Variants in MCPH1 observed in about 807,000 individuals in gnomAD.
MCPH1 encodes the protein microcephalin 1.
A neutral mutation model predicts 84.5 loss-of-function variants in MCPH1; 104 were observed. The observed-to-expected ratio is 1.23, with a 90% CI of 1.05 to 1.45. MCPH1 has a LOEUF of 1.45. MCPH1 is among the 40% of genes most tolerant of loss of function. The pLI is 0.00. For missense variants in MCPH1, 1,498 were observed against 1,005.7 expected (o/e 1.49, Z -6.62); for synonymous variants, 514 against 366.8 (o/e 1.40, Z -4.58).
chr8:6,532,867 G>A (rs1005484146), intron 12 of MCPH1, among the ~76,000 whole-genome samples: 3 of 152,194 alleles, frequency 2.0e-5, no homozygotes, highest in Non-Finnish European at 4.4e-5. Flanking sequence ...TGACCATGCA[G>A]TCAGGAAATG....
rs1264440356 is a variant in MCPH1 at position 6,646,594 on chromosome 8, A to C, written c.*3545A>C. On this transcript the variant is annotated 3_prime_UTR_variant, in exon 14 of 14. Transcript: ENST00000344683. Reference sequence around the variant, plus strand: ...CACACCATGCACAAAAATTAGCTCAACGTGGACTATATCAGGGTTTCTCAA... The same window carrying C: ...CACACCATGCACAAAAATTAGCTCACCGTGGACTATATCAGGGTTTCTCAA... 2 of 152,238 alleles carry C rather than the reference A, an allele frequency of 1.3e-5. No individual in the cohort carries two copies. The highest frequency in any genetic ancestry group is 6.5e-5 in the Admixed American group (1 of 15,282). The allele number at this position is 152,238 out of a possible 1,614,324, so 9.4% of individuals were successfully genotyped here.
chr8:6,439,509 C>G (rs62496811), intron 6 of MCPH1, among the ~76,000 whole-genome samples: 3 of 151,612 alleles, frequency 2.0e-5, no homozygotes, highest in African/African-American at 7.3e-5. Context: ...CTCAGCCTCC[C>G]GAGTAGCTGG....
rs146472862 is a variant in MCPH1, at chr8:6,602,959, A to G, written c.2215-18495A>G. Among the ~76,000 whole-genome samples the G allele has an allele frequency of 5.9e-4, 90 of 151,956 alleles. No individual in the cohort carries two copies. The East Asian group carries it at 0.016, about 27-fold the overall frequency. On this transcript the variant is annotated intron_variant, in intron 12 of 13. Transcript: ENST00000344683. ...CATGTGTGTCTGTGTACATAGGCGCATGTGTGTGCCCTTGAGTGTGCATCC... is the reference window on the plus strand; with the variant it reads ...CATGTGTGTCTGTGTACATAGGCGCGTGTGTGTGCCCTTGAGTGTGCATCC...
chr8:6,615,130 G>A (rs1020907906), intron 12 of MCPH1, among the ~76,000 whole-genome samples: 44 of 152,272 alleles, frequency 2.9e-4, no homozygotes, highest in African/African-American at 8.2e-4. Context: ...ATTGCCTGCC[G>A]ATCCCCTGGG....
chr8:6,429,687 G>A (rs1233444060), intron 3 of MCPH1, among the ~76,000 whole-genome samples: 2 of 152,060 alleles, frequency 1.3e-5, no homozygotes, highest in Non-Finnish European at 2.9e-5. Flanking sequence ...TTTAACCAGA[G>A]GTCAAAAACC....
intron 6 of MCPH1, among the ~76,000 whole-genome samples, chr8:6,440,424 C>A (rs900432763): frequency 6.6e-6 from 1 of 152,180 alleles, no homozygotes; most frequent in African/African-American, 2.4e-5. Flanking sequence ...CATAGAGTCT[C>A]CCTGTGTTGC....
intron 13 of MCPH1, 100 bp downstream of exon 13, chr8:6,621,791 G>T: frequency 6.6e-7 from 1 of 1,519,174 alleles, no homozygotes. Context: ...CACGCAGCTG[G>T]GGCACCTGGG....
chr8:6,512,809 T>C (rs1563321603), intron 12 of MCPH1, among the ~76,000 whole-genome samples: 4 of 152,136 alleles, frequency 2.6e-5, no homozygotes, highest in African/African-American at 9.7e-5. Context: ...ACCAAATGGG[T>C]GAGGACAAGG....
At chr8:6,500,214 T>G (rs1811879822) in intron 12 of MCPH1, 1 of 416,282 alleles carries the variant, frequency 2.4e-6, no homozygotes, top group East Asian at 5.1e-5. Flanking sequence ...ACTGAATTCT[T>G]GGGCAGGTAG....
At chr8:6,455,376 G>T in intron 9 of MCPH1, 124 bp downstream of exon 9, 2 of 719,490 alleles carry the variant, frequency 2.8e-6, no homozygotes, top group Non-Finnish European at 4.8e-6. Context: ...ATTGATTATG[G>T]GTAAATGCTG....
At chr8:6,517,038 G>C (rs1816393168) in intron 12 of MCPH1, among the ~76,000 whole-genome samples, 1 of 152,158 alleles carries the variant, frequency 6.6e-6, no homozygotes, top group Admixed American at 6.5e-5. Context: ...TGTAAAAACT[G>C]GAGTATTATG....
chr8:6,440,966 G>A (rs1482353168), intron 6 of MCPH1, among the ~76,000 whole-genome samples: 1 of 152,180 alleles, frequency 6.6e-6, no homozygotes, highest in African/African-American at 2.4e-5. Flanking sequence ...CCATCTTTCT[G>A]TTGTACCTGC....
At chr8:6,570,099 T>C (rs1159369116) in intron 12 of MCPH1, among the ~76,000 whole-genome samples, 1 of 152,262 alleles carries the variant, frequency 6.6e-6, no homozygotes, top group Non-Finnish European at 1.5e-5. Flanking sequence ...CTACATACCC[T>C]TTCATTGTTT....
At chr8:6,529,529 A>G (rs1440539761) in intron 12 of MCPH1, among the ~76,000 whole-genome samples, 1 of 148,964 alleles carries the variant, frequency 6.7e-6, no homozygotes, top group African/African-American at 2.5e-5. Context: ...TCTGTTCACT[A>G]CAGACTCTGC....
chr8:6,626,788 C>T (rs138263139), intron 13 of MCPH1: 2 of 985,188 alleles, frequency 2.0e-6, no homozygotes, highest in Admixed American at 6.2e-5. Flanking sequence ...CCTCAAGGGT[C>T]TGCGACATTT....
intron 12 of MCPH1, among the ~76,000 whole-genome samples, chr8:6,550,544 T>A (rs1276808163): frequency 1.3e-5 from 2 of 152,318 alleles, no homozygotes; most frequent in East Asian, 3.9e-4. Flanking sequence ...TTTTCCACAT[T>A]TGTTCCCACT....
chr8:6,563,443 G>A (rs1182873330), intron 12 of MCPH1: 5 of 153,820 alleles, frequency 3.3e-5, no homozygotes, highest in Admixed American at 1.3e-4. Flanking sequence ...GGGAAAAACC[G>A]ATCTGTTACA....
chr8:6,488,791 A>C lies in MCPH1; in HGVS notation c.2136+7915A>C, dbSNP rs187848802. Among the ~76,000 whole-genome samples, 492 of 152,218 alleles carry C rather than the reference A, an allele frequency of 3.2e-3. 7 individuals carry two copies. The highest frequency in any genetic ancestry group is 0.012 in the African/African-American group (478 of 41,524). ...GCAGCTTTTGTCTCTGTGGCCTCTC[A>C]GCAAAGAATGGATTGCAGGGAGGTA... On this transcript the variant is annotated intron_variant, in intron 11 of 13. Coordinates refer to ENST00000344683, the MANE Select transcript of MCPH1 (RefSeq NM_024596.5).
chr8:6,429,390 C>G (rs1034101579), intron 3 of MCPH1, among the ~76,000 whole-genome samples: 2 of 152,058 alleles, frequency 1.3e-5, no homozygotes, highest in East Asian at 1.9e-4. Context: ...CACCCTCTGC[C>G]CTCTGCACTT....
Sources: allele counts gnomAD v4.1 joint callset (sites outside exome capture counted in the v4.1 genomes callset), GRCh38; gene constraint gnomAD v4.1.1; transcripts MANE v1.5; gene names NCBI Gene and HGNC (gene_info 2026-07-23, HGNC 2026-07-21).